Variants in FBXO16 observed in about 807,000 individuals in gnomAD.
FBXO16 encodes the protein F-box only protein 16.
In FBXO16, 31 loss-of-function variants were observed where a neutral mutation model predicts 41.0. The observed-to-expected ratio is 0.76, with a 90% CI of 0.57 to 1.02. The LOEUF is 1.02. Among genes scored for constraint, FBXO16 ranks in the 50% least tolerant of loss-of-function variants. FBXO16 has a pLI of 0.00. For missense variants in FBXO16, 361 were observed against 346.2 expected (o/e 1.04, Z -0.34); for synonymous variants, 133 against 117.8 (o/e 1.13, Z -0.84).
intron 1 of FBXO16, 143 bp from the exon 2 acceptor site, chr8:28,483,605 G>C: frequency 5.2e-6 from 3 of 578,654 alleles, no homozygotes; most frequent in Non-Finnish European, 9.2e-6. Flanking sequence ...GATCACTTGA[G>C]GTCAAGGATT....
intron 7 of FBXO16, among the ~76,000 whole-genome samples, chr8:28,432,010 A>T (rs901490354): frequency 6.6e-6 from 1 of 150,894 alleles, no homozygotes; most frequent in African/African-American, 2.5e-5. Context: ...ATATGTAGTG[A>T]GCAAACGTAG....
chr8:28,467,246 T>A (rs1803259302), intron 3 of FBXO16, among the ~76,000 whole-genome samples: 1 of 152,144 alleles, frequency 6.6e-6, no homozygotes, highest in South Asian at 2.1e-4. Flanking sequence ...TCAAAATGCC[T>A]AATAGTAGGG....
chr8:28,480,583 A>G (rs1803494998), intron 2 of FBXO16, among the ~76,000 whole-genome samples: 1 of 151,412 alleles, frequency 6.6e-6, no homozygotes, highest in Non-Finnish European at 1.5e-5. Context: ...GACTCACTGC[A>G]ACCTCCACCT....
At chr8:28,454,748 AAAAGGAT>A (rs765616658) in intron 5 of FBXO16, among the ~76,000 whole-genome samples, 2 of 58,058 alleles carry the variant, frequency 3.4e-5, no homozygotes, top group African/African-American at 1.4e-4. Flanking sequence ...AAAAAAAAAA[AAAAGGAT>A]CATTAATTCT....
chr8:28,448,356 A>G (rs540795583), intron 6 of FBXO16, among the ~76,000 whole-genome samples: 17 of 151,554 alleles, frequency 1.1e-4, no homozygotes, highest in Middle Eastern at 3.4e-3. Context: ...AAAAAAAAAA[A>G]AAAAGAAAGA....
At chr8:28,471,419 C>T (rs1486908636) in intron 3 of FBXO16, among the ~76,000 whole-genome samples, 3 of 151,440 alleles carry the variant, frequency 2.0e-5, no homozygotes, top group African/African-American at 7.3e-5. Context: ...CCCTTCCTTC[C>T]TTCCTTCCTT....
chr8:28,489,716 C>CCAA (rs1554529610), intron 1 of FBXO16, among the ~76,000 whole-genome samples: 1,636 of 88,380 alleles, frequency 0.019, 16 homozygotes, highest in Non-Finnish European at 0.02. Flanking sequence ...CAAAAACCAA[C>CCAA]AAAAAAAAAA....
intron 7 of FBXO16, among the ~76,000 whole-genome samples, chr8:28,436,207 G>A (rs543157036): frequency 1.2e-3 from 187 of 152,208 alleles, no homozygotes; most frequent in African/African-American, 4.3e-3. Context: ...TCCTCAGGAT[G>A]GAGTTGCTTC....
At chr8:28,432,495 A>AC (rs1393528209) in intron 7 of FBXO16, among the ~76,000 whole-genome samples, 1 of 151,544 alleles carries the variant, frequency 6.6e-6, no homozygotes, top group Non-Finnish European at 1.5e-5. Flanking sequence ...AAACAAAACA[A>AC]AACAACAACA....
chr8:28,465,803 G>GT (rs1803228114), intron 3 of FBXO16, among the ~76,000 whole-genome samples: 2 of 151,550 alleles, frequency 1.3e-5, no homozygotes, highest in African/African-American at 4.9e-5. Context: ...TGTTGTTGTT[G>GT]TTTTGTTTTT....
At chr8:28,428,835 A>T in intron 8 of FBXO16, 99 bp from the exon 9 acceptor site, 1 of 1,309,878 alleles carries the variant, frequency 7.6e-7, no homozygotes, top group Non-Finnish European at 1.0e-6. Flanking sequence ...GATTTTACAA[A>T]ATTATAGGGC....
chr8:28,438,121 G>A (rs1013292278), intron 7 of FBXO16, among the ~76,000 whole-genome samples: 1 of 152,082 alleles, frequency 6.6e-6, no homozygotes, highest in Non-Finnish European at 1.5e-5. Flanking sequence ...CTCGAGACCA[G>A]CCTGGGCAAC....
At position 28,490,186 on chromosome 8, in the gene FBXO16, C is replaced by T. The variant is rs1229853428; in HGVS notation, c.-17G>A. 1 of 152,220 alleles carries T rather than the reference C, an allele frequency of 6.6e-6. No individual in the cohort carries two copies. Among genetic ancestry groups the T allele is most frequent in the Non-Finnish European group, 1.5e-5 (1 of 68,062 alleles). 9.4% of individuals were successfully genotyped at this position (152,220 alleles called of 1,614,324 possible). ...TTCATGCACTGCCCACAGCTCTCACCTCTTTTAGCTTGTCTCCCTCTTCAA... is the reference window on the plus strand; with the variant it reads ...TTCATGCACTGCCCACAGCTCTCACTTCTTTTAGCTTGTCTCCCTCTTCAA... On this transcript the variant is annotated splice_region_variant and 5_prime_UTR_variant, in exon 1 of 9. Coordinates refer to ENST00000380254, the MANE Select transcript of FBXO16 (RefSeq NM_172366.4).
In FBXO16 at chr8:28,434,251, G is replaced by C. The variant is rs576946350; in HGVS notation, c.844-4848C>G. ...GCTGGGATTACAGGTGTGAACCACT[G>C]CACCTGGCCCCTGATTGATTTTTTT... On this transcript the variant is annotated intron_variant, in intron 7 of 8. Coordinates refer to ENST00000380254, the MANE Select transcript of FBXO16 (RefSeq NM_172366.4). Among the ~76,000 whole-genome samples the C allele has an allele frequency of 1.1e-4, 16 of 152,222 alleles. No individual in the cohort carries two copies. In the South Asian group the frequency reaches 3.3e-3, roughly 32 times the overall value.
At chr8:28,478,562 T>A (rs1209757550) in intron 2 of FBXO16, among the ~76,000 whole-genome samples, 2 of 152,166 alleles carry the variant, frequency 1.3e-5, no homozygotes, top group Non-Finnish European at 2.9e-5. Flanking sequence ...CAGTGACTCA[T>A]GCCTATAATC....
intron 2 of FBXO16, among the ~76,000 whole-genome samples, chr8:28,478,819 T>A (rs1240761065): frequency 1.6e-5 from 1 of 62,390 alleles, no homozygotes; most frequent in African/African-American, 6.8e-5. Context: ...GAATTCTGTC[T>A]CCAAAAAAAA....
chr8:28,444,338 T>A (rs1802826969), intron 7 of FBXO16, among the ~76,000 whole-genome samples: 1 of 150,074 alleles, frequency 6.7e-6, no homozygotes, highest in Non-Finnish European at 1.5e-5. Flanking sequence ...AGTCTTGCTC[T>A]GTCACCCAGG....
intron 1 of FBXO16, among the ~76,000 whole-genome samples, 200 bp downstream of exon 1, chr8:28,489,986 G>A (rs1803664812): frequency 6.6e-6 from 1 of 152,100 alleles, no homozygotes; most frequent in South Asian, 2.1e-4. Context: ...ATAACACAAC[G>A]CAAAAAGCTA....
At chr8:28,485,708 GCTAA>G (rs1295893042) in intron 1 of FBXO16, among the ~76,000 whole-genome samples, 2 of 152,204 alleles carry the variant, frequency 1.3e-5, no homozygotes, top group African/African-American at 2.4e-5. Flanking sequence ...AGCCTCAACA[GCTAA>G]CTATCGGACT....
Sources: allele counts gnomAD v4.1 joint callset (sites outside exome capture counted in the v4.1 genomes callset), GRCh38; gene constraint gnomAD v4.1.1; transcripts MANE v1.5; gene names NCBI Gene and HGNC (gene_info 2026-07-23, HGNC 2026-07-21).